CLNK: variants seen among roughly 807,000 people sequenced by gnomAD.
The protein encoded by CLNK is cytokine dependent hematopoietic cell linker.
Under a neutral mutation model 68.6 loss-of-function variants are expected in CLNK, and 74 were observed. The ratio of observed to expected loss-of-function variants is 1.08; its 90% confidence interval spans 0.89 to 1.31. The LOEUF is 1.31. Among genes scored for constraint, CLNK ranks in the 50% most tolerant of loss-of-function variants. The pLI is 0.00. For missense variants in CLNK, 553 were observed against 515.3 expected (o/e 1.07, Z -0.71); for synonymous variants, 198 against 172.2 (o/e 1.15, Z -1.17).
chr4:10,723,248 T>C, the CLNK span, among the ~76,000 whole-genome samples: 3 of 152,192 alleles, frequency 2.0e-5, no homozygotes, highest in Non-Finnish European at 4.4e-5. Context: ...TTCCCTTTGA[T>C]TTAGTTCCAG....
intron 2 of CLNK, among the ~76,000 whole-genome samples, chr4:10,607,859 C>T (rs1036738925): frequency 2.0e-5 from 3 of 152,208 alleles, no homozygotes; most frequent in Non-Finnish European, 4.4e-5. Flanking sequence ...ATCACTTAAC[C>T]ATTCATAACT....
chr4:10,569,113 T>C (rs1265401467), intron 5 of CLNK, among the ~76,000 whole-genome samples: 3 of 151,936 alleles, frequency 2.0e-5, no homozygotes, highest in African/African-American at 7.3e-5. Flanking sequence ...TTAGGTAAAA[T>C]GTATAGTCAA....
the CLNK span, among the ~76,000 whole-genome samples, chr4:10,703,432 G>A: frequency 2.6e-5 from 4 of 152,226 alleles, no homozygotes; most frequent in Admixed American, 1.3e-4. Context: ...GTCTAGGCAC[G>A]ACTTGCCTGC....
chr4:10,561,693 T>C (rs886443634), intron 7 of CLNK, among the ~76,000 whole-genome samples: 7 of 152,204 alleles, frequency 4.6e-5, no homozygotes, highest in African/African-American at 1.7e-4. Context: ...TGCCCTGAAA[T>C]GCTCTCCTCC....
At chr4:10,701,649 C>T in the CLNK span, among the ~76,000 whole-genome samples, 582 of 152,326 alleles carry the variant, frequency 3.8e-3, 8 homozygotes, top group African/African-American at 0.013. Flanking sequence ...GCTTGCCACA[C>T]GCCACCATAG....
chr4:10,611,428 G>A (rs890980800), intron 2 of CLNK, among the ~76,000 whole-genome samples: 5 of 151,598 alleles, frequency 3.3e-5, no homozygotes, highest in African/African-American at 9.7e-5. Context: ...AACCTGGGAG[G>A]TGGAGGTTGC....
At chr4:10,584,836 T>C (rs972799082) in intron 4 of CLNK, 91 bp downstream of exon 4, 5 of 1,339,754 alleles carry the variant, frequency 3.7e-6, no homozygotes, top group African/African-American at 1.5e-5. Context: ...CATAGTTTTA[T>C]TGAAATAAAA....
intron 2 of CLNK, chr4:10,636,028 C>A (rs574356877): frequency 2.0e-5 from 3 of 152,130 alleles, no homozygotes; most frequent in African/African-American, 7.2e-5. Flanking sequence ...TCAAAATAGA[C>A]GATCTATGAT....
intron 2 of CLNK, among the ~76,000 whole-genome samples, chr4:10,654,470 C>T (rs1723883899): frequency 6.8e-6 from 1 of 146,130 alleles, no homozygotes; most frequent in Non-Finnish European, 1.5e-5. Context: ...TGAAAACAAG[C>T]TTTGCATTTT....
chr4:10,497,424 C>T (rs1404255270), intron 18 of CLNK, among the ~76,000 whole-genome samples: 4 of 152,076 alleles, frequency 2.6e-5, no homozygotes, highest in Admixed American at 1.3e-4. Context: ...AAATAAGGAA[C>T]GCAAAGGAGG....
At chr4:10,510,722 A>G (rs747470565) in intron 16 of CLNK, among the ~76,000 whole-genome samples, 8 of 152,344 alleles carry the variant, frequency 5.3e-5, no homozygotes, top group Non-Finnish European at 1.2e-4. Flanking sequence ...TTTGGTCTCC[A>G]CAAGGCCTTA....
intron 8 of CLNK, among the ~76,000 whole-genome samples, chr4:10,545,814 C>G (rs1719205835): frequency 1.3e-5 from 2 of 152,138 alleles, no homozygotes; most frequent in Admixed American, 6.5e-5. Context: ...TTCTGCAAGC[C>G]TGCAGAATTA....
chr4:10,505,760 G>A (rs1254479293), intron 17 of CLNK, among the ~76,000 whole-genome samples: 1 of 152,134 alleles, frequency 6.6e-6, no homozygotes. Context: ...AATGATGCAT[G>A]ATAACTTCCC....
chr4:10,610,206 G>A (rs28415493), intron 2 of CLNK, among the ~76,000 whole-genome samples: 28,746 of 149,828 alleles, frequency 0.19, 2,897 homozygotes, highest in Middle Eastern at 0.25. Flanking sequence ...ACAGGCGCCC[G>A]CCACTGCGCC....
chr4:10,598,153 A>G (rs1048115402), intron 2 of CLNK, 104 bp from the exon 3 acceptor site: 2 of 734,618 alleles, frequency 2.7e-6, no homozygotes, highest in African/African-American at 3.5e-5. Context: ...GTCAGATTTA[A>G]GTAATTATGT....
chr4:10,495,476 A>G (rs987511721), intron 18 of CLNK, among the ~76,000 whole-genome samples: 1 of 152,192 alleles, frequency 6.6e-6, no homozygotes, highest in Non-Finnish European at 1.5e-5. Flanking sequence ...GTGTTCCCAG[A>G]ATGCAACACT....
At chr4:10,581,000 G>A (rs1377721293) in intron 4 of CLNK, among the ~76,000 whole-genome samples, 1 of 152,168 alleles carries the variant, frequency 6.6e-6, no homozygotes, top group Non-Finnish European at 1.5e-5. Flanking sequence ...TTTATGGTAA[G>A]TGTCCTACAC....
chr4:10,597,454 G>A (rs1022639184), intron 3 of CLNK, among the ~76,000 whole-genome samples: 14 of 152,322 alleles, frequency 9.2e-5, no homozygotes, highest in Admixed American at 8.5e-4. Flanking sequence ...TAGTCTGCGA[G>A]CTCCTTGAGG....
At chr4:10,626,022 G>A (rs1722656202) in intron 2 of CLNK, among the ~76,000 whole-genome samples, 1 of 152,228 alleles carries the variant, frequency 6.6e-6, no homozygotes, top group Admixed American at 6.5e-5. Context: ...CCTTTAAGGT[G>A]TAGAGGCTGA....
Sources: gnomAD v4.1 joint callset for allele counts (sites outside exome capture counted in the v4.1 genomes callset) on GRCh38, gnomAD v4.1.1 for gene constraint, MANE v1.5 for transcripts, NCBI Gene and HGNC (gene_info 2026-07-23, HGNC 2026-07-21) for gene names.